Variants in GNRHR observed in about 807,000 individuals in gnomAD.
GNRHR encodes gonadotropin releasing hormone receptor, also known as gonadotropin-releasing hormone receptor.
In GNRHR, 14 loss-of-function variants were observed where a neutral mutation model predicts 28.1. The observed-to-expected ratio is 0.50, with a 90% confidence interval of 0.33 to 0.78. GNRHR has a LOEUF of 0.78. Ranked by LOEUF, GNRHR falls within the 30% of genes least tolerant of loss-of-function variation. The pLI is 0.02. For synonymous variants in GNRHR, 141 were observed against 140.5 expected (o/e 1.00, Z -0.02); for missense variants, 366 against 382.1 (o/e 0.96, Z 0.35).
At chr4:67,740,790 A>G in intron 2 of GNRHR, 66 bp from the exon 3 acceptor site, 3 of 1,141,912 alleles carry the variant, frequency 2.6e-6, no homozygotes, top group South Asian at 2.5e-5. Flanking sequence ...AGTGGACAAA[A>G]AGGAAGACAG....
intron 1 of GNRHR, among the ~76,000 whole-genome samples, chr4:67,748,314 G>A (rs34650954): frequency 0.021 from 3,218 of 152,074 alleles, 75 homozygotes; most frequent in East Asian, 0.1. Flanking sequence ...TACCTCTAAG[G>A]CCTATCATGA....
At position 67,740,860 on chromosome 4, in the gene GNRHR, T is replaced by G. The variant is rs868075746; in HGVS notation, c.743-136A>C. 26 of 690,936 alleles carry G rather than the reference T, an allele frequency of 3.8e-5. No individual in the cohort carries two copies. The Middle Eastern group carries it at 1.9e-3, about 52-fold the overall frequency. 42.8% of individuals were successfully genotyped at this position (690,936 alleles called of 1,614,324 possible). ...TTCCATTATTTTAAATAATAATAAT[T>G]TGTTTGAAAAGCATGTTTTAATAAG... is the stretch of plus-strand genomic sequence containing the variant. On this transcript the variant is annotated intron_variant, in intron 2 of 2. Coordinates refer to ENST00000226413, the MANE Select transcript of GNRHR (RefSeq NM_000406.3).
At chr4:67,740,928 T>A (rs562479750) in intron 2 of GNRHR, among the ~76,000 whole-genome samples, 1 of 152,336 alleles carries the variant, frequency 6.6e-6, no homozygotes, top group Non-Finnish European at 1.5e-5. Context: ...AGTTTGAAGA[T>A]GATAGTGCTC....
At position 67,740,359 on chromosome 4, in the gene GNRHR, T is replaced by C. The variant is rs142503711; in HGVS notation, c.*121A>G. ...ACTGAGTTTCTAAAAGAATGATAAC[T>C]TAAGTGTAAATCCTACTTTGTTTGT... On this transcript the variant is annotated 3_prime_UTR_variant, in exon 3 of 3. Coordinates refer to ENST00000226413, the MANE Select transcript of GNRHR (RefSeq NM_000406.3). The C allele has an allele frequency of 3.9e-6, 3 of 772,966 alleles. No individual in the cohort carries two copies. The East Asian group carries it at 7.4e-5, about 19-fold the overall frequency. 47.9% of individuals were successfully genotyped at this position (772,966 alleles called of 1,614,324 possible).
Position 67,737,266 on chromosome 4 carries a change from C to A in GNRHR, c.*3214G>T, listed in dbSNP as rs1731564203. 6.6e-6 allele frequency among the ~76,000 whole-genome samples: 1 copy of A among 151,944 alleles called. No homozygotes were observed. The highest frequency in any genetic ancestry group is 1.5e-5 in the Non-Finnish European group (1 of 67,928). ...ATTAACAGTTTTCATATATGTTTAT[C>A]TATTGCTGCTATGCATACATTTTAT... On this transcript the variant is annotated 3_prime_UTR_variant, in exon 3 of 3. Transcript: ENST00000226413.
At position 67,737,121 on chromosome 4, in the gene GNRHR, A is replaced by G. The variant is rs1731561971; in HGVS notation, c.*3359T>C. Among the ~76,000 whole-genome samples the G allele has an allele frequency of 6.6e-6, 1 of 152,072 alleles. No individual in the cohort carries two copies. The highest frequency in any genetic ancestry group is 1.5e-5 in the Non-Finnish European group (1 of 67,960). On this transcript the variant is annotated 3_prime_UTR_variant, in exon 3 of 3. Coordinates refer to ENST00000226413, the MANE Select transcript of GNRHR (RefSeq NM_000406.3). ...TAAAATAAAAGTCAGACAAACACAC[A>G]CACATATAACATTTATTATGTTTTC...
chr4:67,746,744 T>A (rs1432026727), intron 1 of GNRHR, among the ~76,000 whole-genome samples: 1 of 152,064 alleles, frequency 6.6e-6, no homozygotes, highest in Non-Finnish European at 1.5e-5. Flanking sequence ...TACTTCATTT[T>A]TTTTTAAAAG....
chr4:67,740,842 A>G, intron 2 of GNRHR, 118 bp from the exon 3 acceptor site: 1 of 733,054 alleles, frequency 1.4e-6, no homozygotes, highest in Non-Finnish European at 2.4e-6. Context: ...AATTTCCATT[A>G]TTTTAAATAA....
intron 1 of GNRHR, among the ~76,000 whole-genome samples, chr4:67,750,673 C>T (rs1731849441): frequency 6.6e-6 from 1 of 151,790 alleles, no homozygotes; most frequent in Non-Finnish European, 1.5e-5. Context: ...CCCAGATCCC[C>T]AGCCCTGAGT....
rs532823956 is a variant in GNRHR, at chr4:67,754,165, C to G, written c.171G>C (p.Leu57Phe). 6.2e-7 allele frequency: 1 copy of G among 1,613,968 alleles called. No individual in the cohort carries two copies. Among genetic ancestry groups the G allele is most frequent in the East Asian group, 2.2e-5 (1 of 44,886 alleles). Residue 57 changes from leucine (L) to phenylalanine (F), a missense_variant, in exon 1 of 3, where the codon TTG (leucine) becomes TTC (phenylalanine). Transcript: ENST00000226413. The stretch of plus-strand genomic sequence containing the variant: ...TCTGTGTCCACTTCTGAAGTTTCAA[C>G]AAGAAAGAAGCATTAAAGGTCGCAG... ...LLSATFNASF[L>F]LKLQKWTQKK...
rs964949134 is a variant in GNRHR at position 67,739,416 on chromosome 4, C to G, written c.*1064G>C. ...ATGGAAATATAGTGTTGTGCATAGA[C>G]TGCAGGTTAAGAAACCCTGCATCAA... On this transcript the variant is annotated 3_prime_UTR_variant, in exon 3 of 3. Coordinates refer to ENST00000226413, the MANE Select transcript of GNRHR (RefSeq NM_000406.3). 11 of 152,042 alleles carry G rather than the reference C, an allele frequency of 7.2e-5. No homozygotes were observed. Among genetic ancestry groups the G allele is most frequent in the Non-Finnish European group, 4.4e-5 (3 of 67,942 alleles). 9.4% of individuals were successfully genotyped at this position (152,042 alleles called of 1,614,324 possible).
In GNRHR at chr4:67,738,505, CAAG is replaced by C. The variant is rs1731594051; in HGVS notation, c.*1972_*1974del. On this transcript the variant is annotated 3_prime_UTR_variant, in exon 3 of 3. Coordinates refer to ENST00000226413, the MANE Select transcript of GNRHR (RefSeq NM_000406.3). ...GACAGAGAGATCCATAATGAGCACA[CAAG>C]AAGAACCAAGCTGAGATACATTCGT... Among the ~76,000 whole-genome samples the C allele has an allele frequency of 6.6e-6, 1 of 151,512 alleles. No homozygotes were observed. Among genetic ancestry groups the C allele is most frequent in the South Asian group, 2.1e-4 (1 of 4,824 alleles).
rs371736192 is a variant in GNRHR at position 67,754,107 on chromosome 4, T to C, written c.229A>G (p.Lys77Glu). 18 of 1,614,092 alleles carry C rather than the reference T, an allele frequency of 1.1e-5. No homozygotes were observed. Among genetic ancestry groups the C allele is most frequent in the Middle Eastern group, 1.6e-4 (1 of 6,084 alleles). Residue 77 changes from lysine (K) to glutamate (E), a missense_variant, in exon 1 of 3, where the codon AAG (lysine) becomes GAG (glutamate). By Grantham distance (56) the Lys-to-Glu change is moderately conservative. Coordinates refer to ENST00000226413, the MANE Select transcript of GNRHR (RefSeq NM_000406.3). Reference sequence around the variant, plus strand: ...AAGGTCAGATGTTTTAAGAGCAGCTTCATTCTTGAGAGCTTTTTCCCTTTC... The same window carrying C: ...AAGGTCAGATGTTTTAAGAGCAGCTCCATTCTTGAGAGCTTTTTCCCTTTC... ...KEKGKKLSRM[K>E]LLLKHLTLAN...
intron 1 of GNRHR, among the ~76,000 whole-genome samples, chr4:67,752,050 G>T (rs1466304710): frequency 6.6e-6 from 1 of 152,038 alleles, no homozygotes; most frequent in Non-Finnish European, 1.5e-5. Context: ...TTTGTTGTCA[G>T]GTTTTGTATT....
At chr4:67,750,586 A>G (rs543183215) in intron 1 of GNRHR, among the ~76,000 whole-genome samples, 105 of 152,268 alleles carry the variant, frequency 6.9e-4, no homozygotes, top group African/African-American at 2.5e-3. Flanking sequence ...TCTGAGGTTA[A>G]TAATGAGGAA....
chr4:67,742,460 T>G (rs1356181814), intron 2 of GNRHR, among the ~76,000 whole-genome samples: 1 of 117,604 alleles, frequency 8.5e-6, no homozygotes, highest in Non-Finnish European at 2.0e-5. Context: ...ACTGTGTGCT[T>G]CTTTCTATGA....
chr4:67,754,209 A>G lies in GNRHR; in HGVS notation c.127T>C (p.Phe43Leu), dbSNP rs761863223. The G allele has an allele frequency of 1.9e-6, 3 of 1,614,162 alleles. No individual in the cohort carries two copies. Among genetic ancestry groups the G allele is most frequent in the Non-Finnish European group, 1.7e-6 (2 of 1,179,992 alleles). ...LSGKIRVTVT[F>L]FLFLLSATFN... ...GTCGCAGAGAGCAGAAAAAGGAAGA[A>G]AGTAACCGTCACTCGGATCTTTCCA... Residue 43 changes from phenylalanine (F) to leucine (L), a missense_variant, in exon 1 of 3, where the codon TTC becomes CTC. By Grantham distance (22) the Phe-to-Leu change is conservative (BLOSUM62 0). Coordinates refer to ENST00000226413, the MANE Select transcript of GNRHR (RefSeq NM_000406.3).
Position 67,737,477 on chromosome 4 carries a change from A to C in GNRHR, c.*3003T>G, listed in dbSNP as rs1479032827. 1.3e-5 allele frequency among the ~76,000 whole-genome samples: 2 copies of C among 151,986 alleles called. No individual in the cohort carries two copies. Among genetic ancestry groups the C allele is most frequent in the African/African-American group, 4.8e-5 (2 of 41,442 alleles). ...ATGTAGGAAAGTGGACCACAGGTAA[A>C]ATAGATGGAGTTCTAGAAGTATTTT... is the stretch of plus-strand genomic sequence containing the variant. On this transcript the variant is annotated 3_prime_UTR_variant, in exon 3 of 3. Coordinates refer to ENST00000226413, the MANE Select transcript of GNRHR (RefSeq NM_000406.3).
Position 67,754,217 on chromosome 4 carries a change from G to C in GNRHR, c.119C>G (p.Thr40Arg), listed in dbSNP as rs779496235. The change falls in exon 1 of 3, where the codon ACG (threonine) becomes AGG (arginine). Residue 40 changes from threonine (T) to arginine (R), a missense_variant. Coordinates refer to ENST00000226413, the MANE Select transcript of GNRHR (RefSeq NM_000406.3). ...GAGCAGAAAAAGGAAGAAAGTAACCGTCACTCGGATCTTTCCAGACAAGGT... is the reference window on the plus strand; with the variant it reads ...GAGCAGAAAAAGGAAGAAAGTAACCCTCACTCGGATCTTTCCAGACAAGGT... ...TLTLSGKIRVTVTFFLFLLSA... is the reference protein window; with the variant it reads ...TLTLSGKIRVRVTFFLFLLSA... 1 of 1,614,002 alleles carries C rather than the reference G, an allele frequency of 6.2e-7. No individual in the cohort carries two copies. The highest frequency in any genetic ancestry group is 1.7e-5 in the Admixed American group (1 of 60,018).
Sources: allele counts gnomAD v4.1 joint callset (sites outside exome capture counted in the v4.1 genomes callset), GRCh38; gene constraint gnomAD v4.1.1; transcripts MANE v1.5; gene names NCBI Gene and HGNC (gene_info 2026-07-23, HGNC 2026-07-21).